Variants in OGDH observed in about 807,000 individuals in gnomAD.
OGDH encodes the protein 2-oxoglutarate dehydrogenase complex component E1.
A neutral mutation model predicts 116.6 loss-of-function variants in OGDH; 38 were observed. The ratio of observed to expected loss-of-function variants is 0.33; its 90% CI spans 0.25 to 0.43. The LOEUF (loss-of-function observed/expected upper bound fraction) is 0.43. OGDH is among the 20% of genes least tolerant of loss of function. The pLI, the probability that OGDH is intolerant of heterozygous loss-of-function variation, is 1.00. For missense variants in OGDH, 825 were observed against 1,357.2 expected (o/e 0.61, Z 6.16); for synonymous variants, 488 against 533.3 (o/e 0.92, Z 1.17).
intron 4 of OGDH, among the ~76,000 whole-genome samples, chr7:44,663,626 G>C (rs1251608630): frequency 6.6e-6 from 1 of 152,164 alleles, no homozygotes; most frequent in African/African-American, 2.4e-5. Flanking sequence ...AAAATTAGCC[G>C]AGTGTGGTGG....
rs192336005 is a variant in OGDH, at chr7:44,674,735, C to G, written c.935+178C>G. ...CAGGGGATTCTCACATTGCCTGCCT[C>G]TGGAGGACTGCAAAGTCATGGTCAC... On this transcript the variant is annotated intron_variant, in intron 7 of 22. Coordinates refer to ENST00000222673, the MANE Select transcript of OGDH (RefSeq NM_002541.4). 4 of 669,592 alleles carry G rather than the reference C, an allele frequency of 6.0e-6. No homozygotes were observed. The East Asian group carries it at 1.1e-4, about 19-fold the overall frequency. 41.5% of individuals were successfully genotyped at this position (669,592 alleles called of 1,614,324 possible). A position where few individuals can be genotyped will look rare whatever the true frequency, so the allele number is the denominator to read the frequency against.
In OGDH at chr7:44,688,920, T is replaced by G. The variant is rs182075749; in HGVS notation, c.1336-4905T>G. On this transcript the variant is annotated intron_variant, in intron 10 of 22. Transcript: ENST00000222673. ...GTGCACCACCATGCCCGGCTAATTT[T>G]TGTATTTTTAGTAGAGATGGGGTTT... Among the ~76,000 whole-genome samples the G allele has an allele frequency of 2.8e-3, 433 of 152,078 alleles. 1 individual carries two copies. Among genetic ancestry groups the G allele is most frequent in the Middle Eastern group, 6.8e-3 (2 of 294 alleles).
At chr7:44,685,264 G>A (rs377525909) in intron 10 of OGDH, among the ~76,000 whole-genome samples, 30 of 151,996 alleles carry the variant, frequency 2.0e-4, no homozygotes, top group African/African-American at 6.3e-4. Flanking sequence ...CATGAACTCC[G>A]AGTCCTTGCT....
chr7:44,675,051 T>A (rs1787629338), intron 7 of OGDH, 127 bp from the exon 8 acceptor site: 1 of 722,912 alleles, frequency 1.4e-6, no homozygotes, highest in African/African-American at 1.7e-5. Context: ...ACAGCTATCC[T>A]TGGGCTGCAA....
At position 44,707,335 on chromosome 7, in the gene OGDH, G is replaced by A; in HGVS notation, c.2743G>A (p.Glu915Lys). Reference sequence around the variant, plus strand: ...CAAAGTGTATTATGACCTCACCCGGGAGCGCAAAGCACGCGACATGGTGGG... The same window carrying A: ...CAAAGTGTATTATGACCTCACCCGGAAGCGCAAAGCACGCGACATGGTGGG... ...TGKVYYDLTR[E>K]RKARDMVGQV... The change falls in exon 21 of 23, where the codon GAG becomes AAG. Residue 915 changes from glutamate (E) to lysine (K), a missense_variant. By Grantham distance (56) the Glu-to-Lys change is moderately conservative. Transcript: ENST00000222673. The surrounding 1 kb of genome is among the most constrained non-coding windows in gnomAD (Gnocchi z 5.2). The A allele has an allele frequency of 1.2e-6, 2 of 1,614,254 alleles. No individual in the cohort carries two copies. Among genetic ancestry groups the A allele is most frequent in the South Asian group, 2.2e-5 (2 of 91,090 alleles).
chr7:44,673,835 C>G lies in OGDH; in HGVS notation c.682C>G (p.Leu228Val). 1.2e-6 allele frequency: 2 copies of G among 1,614,188 alleles called. No individual in the cohort carries two copies. The highest frequency in any genetic ancestry group is 1.7e-6 in the Non-Finnish European group (2 of 1,180,022). Residue 228 changes from leucine (L) to valine (V), a missense_variant, in exon 6 of 23, where the codon CTG (leucine) becomes GTG (valine). Physicochemically the swap from Leu to Val is conservative, Grantham distance 32. Around this residue, in one of 7 missense-constraint regions of OGDH, gnomAD observed 171 missense variants for 276.8 expected, o/e 0.62. Transcript: ENST00000222673. ...GGTGGAGTTCATGTTCATCAATGAC[C>G]TGGAGCAGTGCCAGTGGATCCGGCA... ...IGVEFMFIND[L>V]EQCQWIRQKF...
intron 1 of OGDH, among the ~76,000 whole-genome samples, chr7:44,620,218 G>A (rs1397009584): frequency 6.6e-6 from 1 of 152,154 alleles, no homozygotes; most frequent in African/African-American, 2.4e-5. Flanking sequence ...ACGGCGTTTC[G>A]CCATGTTAGC....
chr7:44,699,634 T>C (rs1319747427), intron 18 of OGDH, among the ~76,000 whole-genome samples: 1 of 152,140 alleles, frequency 6.6e-6, no homozygotes, highest in East Asian at 1.9e-4. Context: ...GACTCACTTG[T>C]TAGTGTCAGC....
At position 44,611,417 on chromosome 7, in the gene OGDH, C is replaced by T. The variant is rs545370614; in HGVS notation, c.-28+4764C>T. 4.6e-5 allele frequency among the ~76,000 whole-genome samples: 7 copies of T among 152,072 alleles called. No homozygotes were observed. In the East Asian group the frequency reaches 7.8e-4, roughly 17 times the overall value. Reference sequence around the variant, plus strand: ...CTGAGTAGCTGGGACTACAGGTGCCCGCCACCATGCCCGGCTAATTTTTTT... The same window carrying T: ...CTGAGTAGCTGGGACTACAGGTGCCTGCCACCATGCCCGGCTAATTTTTTT... On this transcript the variant is annotated intron_variant, in intron 1 of 22. Coordinates refer to ENST00000222673, the MANE Select transcript of OGDH (RefSeq NM_002541.4).
At chr7:44,626,306 T>TACACACACACACACACACCCCTAC (rs1785201167) in intron 2 of OGDH, among the ~76,000 whole-genome samples, 1 of 136,814 alleles carries the variant, frequency 7.3e-6, no homozygotes, top group Non-Finnish European at 1.6e-5. Context: ...CACACACCCC[T>TACACACACACACACACACCCCTAC]ACACACACAC....
At chr7:44,650,522 T>A (rs542259090) in intron 4 of OGDH, among the ~76,000 whole-genome samples, 1 of 152,266 alleles carries the variant, frequency 6.6e-6, no homozygotes, top group African/African-American at 2.4e-5. Flanking sequence ...TGACCTTAAC[T>A]ATGCTCCAAG....
chr7:44,656,129 A>C (rs1261991536), intron 4 of OGDH, among the ~76,000 whole-genome samples: 2 of 152,070 alleles, frequency 1.3e-5, no homozygotes, highest in African/African-American at 2.4e-5. Flanking sequence ...TGTTTAATAA[A>C]ATTGACCCCC....
intron 1 of OGDH, among the ~76,000 whole-genome samples, chr7:44,607,867 A>T (rs1784414335): frequency 6.6e-6 from 1 of 151,916 alleles, no homozygotes; most frequent in Non-Finnish European, 1.5e-5. Context: ...ACGCCCGGCT[A>T]ATTTTTGTAT....
chr7:44,619,496 G>A (rs1585225260), intron 1 of OGDH, among the ~76,000 whole-genome samples: 1 of 152,310 alleles, frequency 6.6e-6, no homozygotes, highest in Non-Finnish European at 1.5e-5. Flanking sequence ...CTCATAATAT[G>A]TCTTTTGCGT....
chr7:44,635,156 C>A (rs111577048), intron 2 of OGDH, among the ~76,000 whole-genome samples: 9 of 152,262 alleles, frequency 5.9e-5, no homozygotes, highest in Non-Finnish European at 7.4e-5. Context: ...CTTACAGCAG[C>A]GCCGGCTGAA....
intron 2 of OGDH, among the ~76,000 whole-genome samples, chr7:44,635,515 G>C (rs1785627391): frequency 6.6e-6 from 1 of 152,084 alleles, no homozygotes. Context: ...GGCTGGGCTT[G>C]TTCTGTGGCT....
intron 4 of OGDH, among the ~76,000 whole-genome samples, chr7:44,659,487 A>G (rs1438779909): frequency 1.3e-5 from 2 of 152,228 alleles, no homozygotes; most frequent in Non-Finnish European, 2.9e-5. Context: ...CAAATACTTT[A>G]TAGAATTTTC....
intron 4 of OGDH, among the ~76,000 whole-genome samples, chr7:44,659,532 C>T (rs1035377923): frequency 4.6e-5 from 7 of 152,160 alleles, no homozygotes; most frequent in Non-Finnish European, 8.8e-5. Flanking sequence ...GTTAGTTTTT[C>T]ACAAGGTTTT....
At chr7:44,698,620 T>C (rs1788692753) in intron 18 of OGDH, among the ~76,000 whole-genome samples, 1 of 151,816 alleles carries the variant, frequency 6.6e-6, no homozygotes, top group Non-Finnish European at 1.5e-5. Context: ...GCGATTCCAG[T>C]GAAACTTTAA....
Sources: allele counts gnomAD v4.1 joint callset (sites outside exome capture counted in the v4.1 genomes callset), GRCh38; gene constraint gnomAD v4.1.1; regional missense constraint gnomAD v4.1.1; non-coding constraint Gnocchi (gnomAD v3.1); transcripts MANE v1.5; gene names NCBI Gene and HGNC (gene_info 2026-07-23, HGNC 2026-07-21).